The following PARN variants were observed in gnomAD, a reference collection of about 807,000 sequenced individuals.
PARN encodes poly(A)-specific ribonuclease.
In PARN, 71 loss-of-function variants were observed where a neutral mutation model predicts 102.8. The observed-to-expected ratio is 0.69, with a 90% CI of 0.57 to 0.84. The LOEUF (loss-of-function observed/expected upper bound fraction) is 0.84, where lower values mean the gene tolerates loss of function less well. Ranked by LOEUF, PARN falls within the 40% of genes least tolerant of loss-of-function variation. PARN has a pLI of 0.00. For missense variants in PARN, 782 were observed against 760.9 expected (o/e 1.03, Z -0.33); for synonymous variants, 261 against 252.9 (o/e 1.03, Z -0.30).
intron 13 of PARN, among the ~76,000 whole-genome samples, chr16:14,587,488 C>T (rs1262454487): frequency 6.6e-6 from 1 of 152,072 alleles, no homozygotes; most frequent in Non-Finnish European, 1.5e-5. Context: ...ATTTTGATAC[C>T]AGTGCATGTA....
intron 22 of PARN, among the ~76,000 whole-genome samples, chr16:14,467,410 C>T (rs949107197): frequency 2.6e-5 from 4 of 152,130 alleles, no homozygotes; most frequent in Admixed American, 6.6e-5. Context: ...AAGACTCTTC[C>T]GGGGTTAATT....
At chr16:14,478,892 C>G (rs1239170576) in intron 22 of PARN, among the ~76,000 whole-genome samples, 1 of 152,180 alleles carries the variant, frequency 6.6e-6, no homozygotes, top group Non-Finnish European at 1.5e-5. Flanking sequence ...AGTGATTCTC[C>G]TGCCCTCAGC....
chr16:14,597,213 G>C (rs1040042609), intron 12 of PARN, among the ~76,000 whole-genome samples: 1 of 152,156 alleles, frequency 6.6e-6, no homozygotes, highest in African/African-American at 2.4e-5. Flanking sequence ...GATAATATTA[G>C]TAGGCAAAGT....
In PARN at chr16:14,486,320, T is replaced by C. The variant is rs374074593; in HGVS notation, c.1481-3493A>G. ...AAGTCAAGTCTGCAGTGAGCCACGA[T>C]TGCACCATTGTACTCACTCCAGCTT... On this transcript the variant is annotated intron_variant, in intron 21 of 23. Coordinates refer to ENST00000437198, the MANE Select transcript of PARN (RefSeq NM_002582.4). Among the ~76,000 whole-genome samples, 24 of 152,224 alleles carry C rather than the reference T, an allele frequency of 1.6e-4. No individual in the cohort carries two copies. The East Asian group carries it at 2.1e-3, about 14-fold the overall frequency.
intron 18 of PARN, chr16:14,558,495 T>C (rs1269729147): frequency 6.8e-6 from 1 of 147,924 alleles, no homozygotes; most frequent in African/African-American, 2.6e-5. Context: ...AGACTCTGTC[T>C]CAAAAAAAAA....
chr16:14,553,256 TAAA>T (rs58411352), intron 20 of PARN, among the ~76,000 whole-genome samples: 3,839 of 117,468 alleles, frequency 0.033, 74 homozygotes, highest in Non-Finnish European at 0.046. Flanking sequence ...TATTTCTATT[TAAA>T]AAAAAAAAAA....
rs1406485281 is a variant in PARN at position 14,526,430 on chromosome 16, GC to G, written c.1480+25590del. Reference sequence around the variant, plus strand: ...CTGACCTCGTGATCCACCCACCTCAGCCTCCCAAAGTGCTGGGATTACAGGC... The same window carrying G: ...CTGACCTCGTGATCCACCCACCTCAGCTCCCAAAGTGCTGGGATTACAGGC... On this transcript the variant is annotated intron_variant, in intron 21 of 23. Coordinates refer to ENST00000437198, the MANE Select transcript of PARN (RefSeq NM_002582.4). Among the ~76,000 whole-genome samples, 3 of 151,918 alleles carry G rather than the reference GC, an allele frequency of 2.0e-5. No individual in the cohort carries two copies. In the East Asian group the frequency reaches 5.8e-4, roughly 29 times the overall value.
intron 21 of PARN, among the ~76,000 whole-genome samples, chr16:14,533,326 G>T (rs925317251): frequency 6.6e-6 from 1 of 152,070 alleles, no homozygotes; most frequent in African/African-American, 2.4e-5. Context: ...GAATCAGGCA[G>T]GGAGGTTGCA....
intron 16 of PARN, 97 bp from the exon 17 acceptor site, chr16:14,582,388 C>A: frequency 1.3e-6 from 1 of 771,964 alleles, no homozygotes. Context: ...AGAGAAATAC[C>A]CTAAATAGGC....
intron 23 of PARN, among the ~76,000 whole-genome samples, chr16:14,443,419 C>T (rs1961039773): frequency 2.0e-5 from 3 of 151,184 alleles, no homozygotes. Flanking sequence ...CAGCTCACTG[C>T]AACCTCTGCC....
At chr16:14,584,994 C>A (rs192164614) in intron 14 of PARN, among the ~76,000 whole-genome samples, 5 of 152,192 alleles carry the variant, frequency 3.3e-5, no homozygotes, top group African/African-American at 1.2e-4. Context: ...ATCCCTGCTA[C>A]GTTGGAGTAG....
chr16:14,626,593 G>A (rs1972679913), intron 5 of PARN, among the ~76,000 whole-genome samples: 1 of 151,746 alleles, frequency 6.6e-6, no homozygotes, highest in African/African-American at 2.4e-5. Context: ...GTCTGTCTCT[G>A]CATCTTATTC....
chr16:14,496,272 C>T (rs927509418), intron 21 of PARN, among the ~76,000 whole-genome samples: 1 of 152,134 alleles, frequency 6.6e-6, no homozygotes, highest in Admixed American at 6.5e-5. Flanking sequence ...AGCCTCTGCG[C>T]TCACACCCAG....
At chr16:14,617,551 G>A in intron 6 of PARN, 39 bp downstream of exon 6, 1 of 975,796 alleles carries the variant, frequency 1.0e-6, no homozygotes, top group Non-Finnish European at 1.7e-6. Context: ...ATATTTTGAA[G>A]GTTTATAAGC....
At chr16:14,531,727 C>A (rs1364047189) in intron 21 of PARN, among the ~76,000 whole-genome samples, 1 of 152,152 alleles carries the variant, frequency 6.6e-6, no homozygotes, top group African/African-American at 2.4e-5. Context: ...GGTGCCCCCC[C>A]AGACAACAAC....
chr16:14,535,915 C>T (rs551830237), intron 21 of PARN, among the ~76,000 whole-genome samples: 5 of 152,134 alleles, frequency 3.3e-5, no homozygotes, highest in Non-Finnish European at 7.4e-5. Flanking sequence ...TAAGGAGGGA[C>T]TACTGTACTC....
intron 5 of PARN, among the ~76,000 whole-genome samples, chr16:14,621,805 T>C (rs950250746): frequency 8.5e-6 from 1 of 117,414 alleles, no homozygotes; most frequent in African/African-American, 3.2e-5. Flanking sequence ...GGGCTTCGTC[T>C]CAAAAAAAAA....
At chr16:14,496,875 T>C (rs770348773) in intron 21 of PARN, among the ~76,000 whole-genome samples, 1 of 152,212 alleles carries the variant, frequency 6.6e-6, no homozygotes, top group Non-Finnish European at 1.5e-5. Context: ...CATTAATCTA[T>C]TTTCTTCCAT....
In PARN at chr16:14,584,415, A is replaced by G; in HGVS notation, c.1013T>C (p.Ile338Thr). Reference protein sequence around the residue: ...MASTQPFKDIINNTSLAELEK... With the variant: ...MASTQPFKDITNNTSLAELEK... The stretch of plus-strand genomic sequence containing the variant: ...CAATTCCGCAAGGGATGTGTTGTTA[A>G]TGATATCCTGCAAACCACGAAGCAA... Residue 338 changes from isoleucine (I) to threonine (T), a missense_variant, in exon 16 of 24, where the codon ATT (isoleucine) becomes ACT (threonine). Coordinates refer to ENST00000437198, the MANE Select transcript of PARN (RefSeq NM_002582.4). The G allele has an allele frequency of 6.2e-7, 1 of 1,612,474 alleles. No homozygotes were observed. Among genetic ancestry groups the G allele is most frequent in the Non-Finnish European group, 8.5e-7 (1 of 1,178,756 alleles).
Sources: gnomAD v4.1 joint callset for allele counts (sites outside exome capture counted in the v4.1 genomes callset) on GRCh38, gnomAD v4.1.1 for gene constraint, MANE v1.5 for transcripts, NCBI Gene and HGNC (gene_info 2026-07-23, HGNC 2026-07-21) for gene names.